ANKRD11: variants seen among roughly 807,000 people sequenced by gnomAD.
ANKRD11 encodes the protein ankyrin repeat domain-containing protein 11.
Under a neutral mutation model 195.7 loss-of-function variants are expected in ANKRD11, and 17 were observed. The observed-to-expected ratio is 0.09, with a 90% CI of 0.06 to 0.13. ANKRD11 has a LOEUF of 0.13. Ranked by LOEUF, ANKRD11 falls within the 10% of genes least tolerant of loss-of-function variation. ANKRD11 has a pLI of 1.00. For synonymous variants in ANKRD11, 1,953 were observed against 1,528.1 expected, an observed-to-expected ratio of 1.28 and a Z score of -6.49; for missense variants, 3,735 against 3,566.1, an observed-to-expected ratio of 1.05 and a Z score of -1.21.
At chr16:89,482,875 G>A (rs967227817) in intron 1 of ANKRD11, among the ~76,000 whole-genome samples, 1 of 152,232 alleles carries the variant, frequency 6.6e-6, no homozygotes, top group Admixed American at 6.5e-5. Context: ...CCGAATGCAG[G>A]CAGCCTCTGG....
In ANKRD11 at chr16:89,328,533, A is replaced by G. The variant is rs12598400; in HGVS notation, c.-59-11455T>C. On this transcript the variant is annotated intron_variant, in intron 2 of 12. Coordinates refer to ENST00000301030, the MANE Select transcript of ANKRD11 (RefSeq NM_013275.6). ...AAAGGGATGGCTATGGATACACCCA[A>G]GCGTATGGGTGAATCTGCAGAGGCC... Among the ~76,000 whole-genome samples the G allele has an allele frequency of 2.2e-3, 336 of 151,712 alleles. 3 individuals are homozygous for G. The highest frequency in any genetic ancestry group is 7.9e-3 in the African/African-American group (325 of 40,974).
chr16:89,272,774 G>A (rs1215924823), intron 11 of ANKRD11: 2 of 152,148 alleles, frequency 1.3e-5, no homozygotes, highest in Non-Finnish European at 2.9e-5. Flanking sequence ...ACAGATGAAT[G>A]GATAAAGAAT....
rs2152358028 is a variant in ANKRD11, at chr16:89,474,946, G to C, written c.-145+15299C>G. On this transcript the variant is annotated intron_variant, in intron 1 of 12. Coordinates refer to ENST00000301030, the MANE Select transcript of ANKRD11 (RefSeq NM_013275.6). ...AGGAAAGCTGGGCCCTGCCTGGCCG[G>C]GAGCTGCCTCCTTTCTTCCCCAGCT... Among the ~76,000 whole-genome samples the C allele has an allele frequency of 1.3e-5, 2 of 152,328 alleles. 1 individual carries two copies. Among genetic ancestry groups the C allele is most frequent in the South Asian group, 4.1e-4 (2 of 4,830 alleles).
Position 89,399,549 on chromosome 16 carries a change from G to A in ANKRD11, c.-60+18735C>T, listed in dbSNP as rs574625508. Among the ~76,000 whole-genome samples the A allele has an allele frequency of 2.6e-5, 4 of 152,248 alleles. No individual in the cohort carries two copies. In the South Asian group the frequency reaches 8.3e-4, roughly 32 times the overall value. Reference sequence around the variant, plus strand: ...TGCAGCAGGAACACGGGGGACCTGGGGCAGTGAAACTACTCTGTATGATAC... The same window carrying A: ...TGCAGCAGGAACACGGGGGACCTGGAGCAGTGAAACTACTCTGTATGATAC... On this transcript the variant is annotated intron_variant, in intron 2 of 12. Transcript: ENST00000301030.
chr16:89,270,766 A>G lies in ANKRD11; in HGVS notation c.7806+51T>C, dbSNP rs190702437. On this transcript the variant is annotated intron_variant, in intron 12 of 12. Coordinates refer to ENST00000301030, the MANE Select transcript of ANKRD11 (RefSeq NM_013275.6). Reference sequence around the variant, plus strand: ...GGGGGTTGTCACCACCCATCACAGAACTGGGCAGCAGCCTCCCCCAGGCAG... The same window carrying G: ...GGGGGTTGTCACCACCCATCACAGAGCTGGGCAGCAGCCTCCCCCAGGCAG... The G allele has an allele frequency of 2.1e-3, 3,332 of 1,586,802 alleles. 67 individuals carry two copies. In the South Asian group the frequency reaches 0.027, roughly 13 times the overall value.
At chr16:89,343,858 G>T (rs567641749) in intron 2 of ANKRD11, 1 of 152,268 alleles carries the variant, frequency 6.6e-6, no homozygotes, top group South Asian at 2.1e-4. Context: ...GTAAGGCTCC[G>T]CTCCTCACTC....
chr16:89,281,474 G>C lies in ANKRD11; in HGVS notation c.5068C>G (p.Pro1690Ala). The C allele has an allele frequency of 6.2e-7, 1 of 1,614,190 alleles. No individual in the cohort carries two copies. Among genetic ancestry groups the C allele is most frequent in the Non-Finnish European group, 8.5e-7 (1 of 1,180,030 alleles). The change falls in exon 9 of 13, where the codon CCT becomes GCT. Residue 1690 changes from proline to alanine, a missense_variant. Physicochemically the swap from Pro to Ala is conservative, Grantham distance 27. Transcript: ENST00000301030. This position sits in a 1 kb window ranked among gnomAD's most constrained non-coding sequence, Gnocchi z 5.5. ...CTCTGGTCAGGCCTGGGGGACGCAG[G>C]CAGGACCTCTTTCATGTGAGGGCCT... is the stretch of plus-strand genomic sequence containing the variant. ...LAGPHMKEVL[P>A]ASPRPDQSRP... is the part of the protein sequence containing the mutation.
In ANKRD11 at chr16:89,279,409, T is replaced by C; in HGVS notation, c.7133A>G (p.Asp2378Gly). ...RAKARGSEDD[D>G]AQAQHPRKRR... is the part of the protein sequence containing the mutation. ...TTTGCGCGGATGCTGGGCCTGGGCGTCGTCGTCCTCGGAGCCGCGGGCCTT... is the reference window on the plus strand; with the variant it reads ...TTTGCGCGGATGCTGGGCCTGGGCGCCGTCGTCCTCGGAGCCGCGGGCCTT... The change falls in exon 9 of 13, where the codon GAC (aspartate) becomes GGC (glycine). Residue 2378 changes from aspartate to glycine, a missense_variant. Physicochemically the swap from Asp to Gly is moderately conservative, Grantham distance 94. Coordinates refer to ENST00000301030, the MANE Select transcript of ANKRD11 (RefSeq NM_013275.6). The surrounding 1 kb of genome is among the most constrained non-coding windows in gnomAD (Gnocchi z 5.6). The C allele has an allele frequency of 6.5e-7, 1 of 1,537,804 alleles. No homozygotes were observed. The highest frequency in any genetic ancestry group is 8.7e-7 in the Non-Finnish European group (1 of 1,145,900).
At position 89,280,792 on chromosome 16, in the gene ANKRD11, T is replaced by C; in HGVS notation, c.5750A>G (p.Gln1917Arg). 1.9e-6 allele frequency: 3 copies of C among 1,610,954 alleles called. No homozygotes were observed. The highest frequency in any genetic ancestry group is 2.5e-6 in the Non-Finnish European group (3 of 1,177,782). ...GGGGATGATGGCGGCCGTCGCCTGC[T>C]GGTCCTCGGAGGTGTCCAGGTCCGG... ...LPPDLDTSED[Q>R]QATAAIIPPE... Residue 1917 changes from glutamine to arginine, a missense_variant, in exon 9 of 13, where the codon CAG becomes CGG. Coordinates refer to ENST00000301030, the MANE Select transcript of ANKRD11 (RefSeq NM_013275.6).
intron 1 of ANKRD11, among the ~76,000 whole-genome samples, chr16:89,427,219 A>G (rs1246166383): frequency 1.3e-5 from 2 of 152,248 alleles, no homozygotes; most frequent in Non-Finnish European, 2.9e-5. Context: ...GAAGTGTAAA[A>G]CTTGCACCCT....
chr16:89,405,881 C>A (rs946173991), intron 2 of ANKRD11, among the ~76,000 whole-genome samples: 2 of 152,018 alleles, frequency 1.3e-5, no homozygotes, highest in East Asian at 3.9e-4. Flanking sequence ...GAGCCAACGC[C>A]GGCAGATCAC....
Position 89,305,259 on chromosome 16 carries a change from C to T in ANKRD11, c.173G>A (p.Arg58Gln). The T allele has an allele frequency of 2.5e-6, 4 of 1,613,890 alleles. No individual in the cohort carries two copies. The highest frequency in any genetic ancestry group is 2.5e-6 in the Non-Finnish European group (3 of 1,179,888). ...GGCGCCCGCGGTGAAGGGCAGCTTC[C>T]GCTTGCTGGCTCGCTCCCTCACCTC... ...GKEVRERASKRKLPFTAGANG... is the reference protein window; with the variant it reads ...GKEVRERASKQKLPFTAGANG... The change falls in exon 4 of 13, where the codon CGG (arginine) becomes CAG (glutamine). Residue 58 changes from arginine (R) to glutamine (Q), a missense_variant. Arg to Gln is a conservative substitution (Grantham distance 43). Coordinates refer to ENST00000301030, the MANE Select transcript of ANKRD11 (RefSeq NM_013275.6).
chr16:89,279,335 A>T lies in ANKRD11; in HGVS notation c.7207T>A (p.Ser2403Thr), dbSNP rs374714506. Reference protein sequence around the residue: ...TQQLQQQLNTSTQQTREVIQQ... With the variant: ...TQQLQQQLNTTTQQTREVIQQ... ...ATCACCTCCCGCGTCTGCTGCGTGG[A>T]CGTGTTCAGCTGCTGCTGCAGCTGC... Residue 2403 changes from serine (S) to threonine (T), a missense_variant, in exon 9 of 13, where the codon TCC (serine) becomes ACC (threonine). Transcript: ENST00000301030. This position sits in a 1 kb window ranked among gnomAD's most constrained non-coding sequence, Gnocchi z 5.6. 1.2e-6 allele frequency: 2 copies of T among 1,611,136 alleles called. No individual in the cohort carries two copies. The highest frequency in any genetic ancestry group is 1.3e-5 in the African/African-American group (1 of 74,832).
intron 2 of ANKRD11, among the ~76,000 whole-genome samples, chr16:89,367,062 A>T (rs966362): frequency 4.0e-5 from 6 of 151,590 alleles, no homozygotes; most frequent in Non-Finnish European, 8.8e-5. Flanking sequence ...TGCTAGGACG[A>T]CCTCTCCTCT....
chr16:89,351,218 G>A (rs2039202865), intron 2 of ANKRD11, among the ~76,000 whole-genome samples: 1 of 152,206 alleles, frequency 6.6e-6, no homozygotes, highest in Admixed American at 6.5e-5. Flanking sequence ...TGGTGGGCAT[G>A]GGCGAGGGGT....
intron 1 of ANKRD11, among the ~76,000 whole-genome samples, chr16:89,424,562 G>C (rs2042641981): frequency 6.6e-6 from 1 of 152,094 alleles, no homozygotes; most frequent in South Asian, 2.1e-4. Context: ...AATAAGCTGA[G>C]TCCACCCACA....
chr16:89,291,035 G>A lies in ANKRD11; in HGVS notation c.375C>T (p.Ala125=), dbSNP rs768468182. The change falls in exon 5 of 13, where the codon GCC becomes GCT. Residue 125 remains alanine (A), a synonymous_variant. Transcript: ENST00000301030. This position sits in a 1 kb window ranked among gnomAD's most constrained non-coding sequence, Gnocchi z 5.3. ...CACCTGGGCTGTTGGCAGACTCCTC[G>A]GCCGTCATCTGCATGAGAAGGGCCA... ...QQVALLMQMT[A]EESANSPVDT... is the part of the protein sequence containing the mutation. 2.7e-5 allele frequency: 44 copies of A among 1,612,144 alleles called. No homozygotes were observed. Among genetic ancestry groups the A allele is most frequent in the Admixed American group, 6.7e-5 (4 of 60,004 alleles).
chr16:89,486,532 G>A (rs2057620251), intron 1 of ANKRD11, among the ~76,000 whole-genome samples: 1 of 152,074 alleles, frequency 6.6e-6, no homozygotes, highest in Non-Finnish European at 1.5e-5. Context: ...GGAGTTTGGG[G>A]GGATCTGCAT....
At chr16:89,310,388 T>A (rs533366357) in intron 3 of ANKRD11, among the ~76,000 whole-genome samples, 1 of 152,328 alleles carries the variant, frequency 6.6e-6, no homozygotes, top group East Asian at 1.9e-4. Context: ...ATCCTCCAAT[T>A]CTGTTCTTTC....
Sources: gnomAD v4.1 joint callset for allele counts (sites outside exome capture counted in the v4.1 genomes callset) on GRCh38, gnomAD v4.1.1 for gene constraint, Gnocchi (gnomAD v3.1) non-coding constraint, MANE v1.5 for transcripts, NCBI Gene and HGNC (gene_info 2026-07-23, HGNC 2026-07-21) for gene names.